Variants in FTO observed in about 807,000 individuals in gnomAD.
FTO encodes the protein FTO alpha-ketoglutarate dependent dioxygenase.
In FTO, 47 loss-of-function variants were observed where a neutral mutation model predicts 63.9. The observed-to-expected ratio is 0.74, with a 90% CI of 0.58 to 0.94. FTO has a LOEUF of 0.94. Ranked by LOEUF, FTO falls within the 40% of genes least tolerant of loss-of-function variation. The pLI is 0.00. For missense variants in FTO, 562 were observed against 618.1 expected (o/e 0.91, Z 0.96); for synonymous variants, 207 against 224.4 (o/e 0.92, Z 0.69).
intron 8 of FTO, among the ~76,000 whole-genome samples, chr16:54,005,025 G>C (rs540647418): frequency 1.4e-5 from 2 of 148,042 alleles, no homozygotes; most frequent in South Asian, 4.2e-4. Flanking sequence ...AGCCGAGATC[G>C]CGCCACGGCA....
rs2086933149 is a variant in FTO, at chr16:54,113,430, A to T, written c.*1515A>T. 6.6e-6 allele frequency: 1 copy of T among 152,226 alleles called. No homozygotes were observed. The highest frequency in any genetic ancestry group is 2.4e-5 in the African/African-American group (1 of 41,438). The allele number at this position is 152,226 out of a possible 1,614,324, so 9.4% of individuals were successfully genotyped here. On this transcript the variant is annotated 3_prime_UTR_variant, in exon 9 of 9. Transcript: ENST00000471389. ...TTGCAGTGGTTCACGGCCTGCACTC[A>T]TTCCCATGAATGCAGTTAATAGCCA...
At chr16:53,728,230 C>T (rs1171022441) in intron 1 of FTO, among the ~76,000 whole-genome samples, 5 of 151,964 alleles carry the variant, frequency 3.3e-5, no homozygotes, top group Non-Finnish European at 7.4e-5. Flanking sequence ...CAGTGCTAGA[C>T]CCTGTCTCTT....
At chr16:54,073,779 A>T (rs2085924401) in intron 8 of FTO, among the ~76,000 whole-genome samples, 3 of 152,184 alleles carry the variant, frequency 2.0e-5, no homozygotes, top group Non-Finnish European at 4.4e-5. Context: ...GAGTATTTAT[A>T]GAATACTCAT....
At position 53,756,289 on chromosome 16, in the gene FTO, G is replaced by A. The variant is rs868378067; in HGVS notation, c.45+52060G>A. On this transcript the variant is annotated intron_variant, in intron 1 of 8. Transcript: ENST00000471389. ...ATGGCCTTCTGTAATAGGTCAGGGA[G>A]CTCTCACTCCCTTCCAGTGTTGGTG... Among the ~76,000 whole-genome samples the A allele has an allele frequency of 2.6e-5, 4 of 152,160 alleles. No individual in the cohort carries two copies. In the South Asian group the frequency reaches 6.2e-4, roughly 24 times the overall value.
At chr16:53,833,347 TTCATCCATGTTATGGCATGTA>T (rs1314321410) in intron 3 of FTO, among the ~76,000 whole-genome samples, 1 of 152,254 alleles carries the variant, frequency 6.6e-6, no homozygotes, top group Non-Finnish European at 1.5e-5. Flanking sequence ...GTCCTCAAGA[TTCATCCATGTTATGGCATGTA>T]TCAGAATTTA....
At position 53,888,874 on chromosome 16, in the gene FTO, C is replaced by G; in HGVS notation, c.1162C>G (p.Arg388Gly). Reference protein sequence around the residue: ...WLRQFWFQGNRYRKCTDWWCQ... With the variant: ...WLRQFWFQGNGYRKCTDWWCQ... Reference sequence around the variant, plus strand: ...GAGGCAGTTTTGGTTTCAAGGCAATCGATACAGAAAGTGCACTGACTGGTG... The same window carrying G: ...GAGGCAGTTTTGGTTTCAAGGCAATGGATACAGAAAGTGCACTGACTGGTG... The change falls in exon 7 of 9, where the codon CGA becomes GGA. Residue 388 changes from arginine to glycine, a missense_variant. Transcript: ENST00000471389. 1.9e-6 allele frequency: 3 copies of G among 1,613,872 alleles called. No homozygotes were observed. The highest frequency in any genetic ancestry group is 2.5e-6 in the Non-Finnish European group (3 of 1,179,798).
intron 1 of FTO, among the ~76,000 whole-genome samples, chr16:53,734,890 AG>A (rs1275581396): frequency 6.6e-6 from 1 of 152,208 alleles, no homozygotes; most frequent in Non-Finnish European, 1.5e-5. Context: ...TAAGTCCCCT[AG>A]CACACTCCTT....
chr16:53,928,238 C>T (rs1367230730), intron 7 of FTO, among the ~76,000 whole-genome samples: 1 of 152,116 alleles, frequency 6.6e-6, no homozygotes, highest in Non-Finnish European at 1.5e-5. Context: ...ATTTAGCCAC[C>T]AGGACACGTT....
chr16:54,103,213 T>C (rs1004613705), intron 8 of FTO, among the ~76,000 whole-genome samples: 4 of 152,188 alleles, frequency 2.6e-5, no homozygotes, highest in Non-Finnish European at 5.9e-5. Context: ...AATGGCGTTA[T>C]GTTGGTATTC....
At chr16:54,077,747 G>C (rs1450312083) in intron 8 of FTO, among the ~76,000 whole-genome samples, 1 of 152,158 alleles carries the variant, frequency 6.6e-6, no homozygotes, top group African/African-American at 2.4e-5. Context: ...AGGGGGGCAG[G>C]TCAGGGTGGG....
chr16:54,051,790 C>G (rs1358650475), intron 8 of FTO, among the ~76,000 whole-genome samples: 1 of 152,110 alleles, frequency 6.6e-6, no homozygotes, highest in Non-Finnish European at 1.5e-5. Context: ...CTTATGTGCC[C>G]TTGGCTAGGA....
chr16:53,716,251 A>G (rs913168237), intron 1 of FTO, among the ~76,000 whole-genome samples: 3 of 152,356 alleles, frequency 2.0e-5, no homozygotes. Context: ...AAAGTTTTCC[A>G]AAAATGTTTT....
intron 6 of FTO, among the ~76,000 whole-genome samples, chr16:53,886,522 C>A (rs955488822): frequency 6.6e-6 from 1 of 152,164 alleles, no homozygotes; most frequent in African/African-American, 2.4e-5. Context: ...TGTATTAATT[C>A]TTCTTTCAAA....
chr16:53,895,925 G>C (rs1049621956), intron 7 of FTO, among the ~76,000 whole-genome samples: 5 of 152,044 alleles, frequency 3.3e-5, no homozygotes, highest in Non-Finnish European at 1.5e-5. Context: ...AAACAGCCAG[G>C]GTTTGTGTTT....
intron 8 of FTO, among the ~76,000 whole-genome samples, chr16:53,948,964 G>A (rs2082710853): frequency 6.6e-6 from 1 of 152,208 alleles, no homozygotes; most frequent in South Asian, 2.1e-4. Flanking sequence ...GAGTGTGTAT[G>A]TGTGTACGTG....
chr16:53,873,900 T>C, intron 5 of FTO, 35 bp downstream of exon 5: 3 of 1,486,870 alleles, frequency 2.0e-6, no homozygotes, highest in Non-Finnish European at 2.8e-6. Context: ...CACACCTAAT[T>C]GGATGTGACA....
intron 1 of FTO, among the ~76,000 whole-genome samples, chr16:53,742,475 G>T (rs1268273006): frequency 6.6e-6 from 1 of 152,158 alleles, no homozygotes; most frequent in Non-Finnish European, 1.5e-5. Context: ...TACTATCCCT[G>T]CCTTCTAAGG....
chr16:54,054,432 A>G (rs1353472744), intron 8 of FTO: 1 of 152,190 alleles, frequency 6.6e-6, no homozygotes, highest in African/African-American at 2.4e-5. Flanking sequence ...TTTCCTGGGC[A>G]GGAAGGAGAG....
chr16:53,920,494 C>T (rs1042517100), intron 7 of FTO, among the ~76,000 whole-genome samples: 2 of 152,202 alleles, frequency 1.3e-5, no homozygotes, highest in African/African-American at 2.4e-5. Flanking sequence ...CTACATAGGG[C>T]ACATATAAAG....
Sources: gnomAD v4.1 joint callset for allele counts (sites outside exome capture counted in the v4.1 genomes callset) on GRCh38, gnomAD v4.1.1 for gene constraint, MANE v1.5 for transcripts, NCBI Gene and HGNC (gene_info 2026-07-23, HGNC 2026-07-21) for gene names.